Variants in CHD2 observed in about 807,000 individuals in gnomAD.
CHD2 encodes ATP-dependent chromatin remodeler CHD2.
CHD2 carries 28 observed loss-of-function variants against 243.9 expected under a neutral mutation model. That is an observed-to-expected ratio of 0.11 (90% confidence interval 0.09 to 0.16). The LOEUF is 0.16. CHD2 is among the 10% of genes least tolerant of loss of function. CHD2 has a pLI of 1.00. For synonymous variants in CHD2, 775 were observed against 779.0 expected (o/e 0.99, Z 0.09); for missense variants, 1,386 against 2,209.8 (o/e 0.63, Z 7.47).
intron 22 of CHD2, among the ~76,000 whole-genome samples, chr15:92,980,459 C>T (rs986383319): frequency 3.2e-4 from 48 of 152,040 alleles, no homozygotes; most frequent in Admixed American, 2.9e-3. Flanking sequence ...AAGCCTAGCT[C>T]TTTTATTTTG....
rs1330847132 is a variant in CHD2, at chr15:92,901,307, C to T, written c.62+8C>T. On this transcript the variant is annotated splice_region_variant and intron_variant, in intron 2 of 38. Coordinates refer to ENST00000394196, the MANE Select transcript of CHD2 (RefSeq NM_001271.4). ...ACACAGCAATGCATCGAGGTATGAG[C>T]TATCAACTTTCTTCCTTTTTGTCTT... 1.3e-6 allele frequency: 2 copies of T among 1,585,262 alleles called. No individual in the cohort carries two copies. The highest frequency in any genetic ancestry group is 1.3e-5 in the African/African-American group (1 of 74,244).
At chr15:92,947,135 A>G (rs1017905701) in intron 12 of CHD2, 1 of 152,216 alleles carries the variant, frequency 6.6e-6, no homozygotes, top group Non-Finnish European at 1.5e-5. Flanking sequence ...AGAAGTTGAC[A>G]TTCATGTTAA....
At chr15:93,011,476 G>C (rs930870509) in intron 35 of CHD2, among the ~76,000 whole-genome samples, 2 of 152,206 alleles carry the variant, frequency 1.3e-5, no homozygotes, top group Non-Finnish European at 2.9e-5. Context: ...AGGATTTAAA[G>C]ACAGTTTGCT....
chr15:92,981,536 G>A (rs1396913608), intron 24 of CHD2, 79 bp downstream of exon 24: 1 of 1,106,122 alleles, frequency 9.0e-7, no homozygotes, highest in Non-Finnish European at 1.3e-6. Flanking sequence ...CTTTCTTTGT[G>A]CTAGGCGCTC....
chr15:92,959,041 T>G (rs1313913817), intron 16 of CHD2, among the ~76,000 whole-genome samples: 1 of 152,248 alleles, frequency 6.6e-6, no homozygotes, highest in East Asian at 1.9e-4. Flanking sequence ...ATCTGTGGCT[T>G]CTTTTCACTT....
chr15:92,940,913 T>TATAA lies in CHD2; in HGVS notation c.693-908_693-907insTAAA, dbSNP rs58286727. ...ATAAAAATATATATAAATATATATATAAATATACATATAAATATATATAAA... is the reference window on the plus strand; with the variant it reads ...ATAAAAATATATATAAATATATATATATAAAAATATACATATAAATATATATAAA... On this transcript the variant is annotated intron_variant, in intron 7 of 38. Transcript: ENST00000394196. 2.4e-3 allele frequency among the ~76,000 whole-genome samples: 325 copies of TATAA among 134,656 alleles called. 4 individuals are homozygous for TATAA. Among genetic ancestry groups the TATAA allele is most frequent in the African/African-American group, 8.4e-3 (303 of 36,252 alleles). The allele number at this position is 134,656 out of a possible 152,430, so 88.3% of individuals were successfully genotyped here.
intron 37 of CHD2, among the ~76,000 whole-genome samples, chr15:93,016,935 A>G (rs2054469995): frequency 6.6e-6 from 1 of 152,226 alleles, no homozygotes; most frequent in South Asian, 2.1e-4. Context: ...TTCATGTAAA[A>G]GAGAAAATTC....
At chr15:92,931,248 C>G (rs1349388239) in intron 5 of CHD2, among the ~76,000 whole-genome samples, 2 of 152,152 alleles carry the variant, frequency 1.3e-5, no homozygotes, top group East Asian at 3.8e-4. Context: ...TAAAAAGGGA[C>G]CATTTTGTAA....
intron 5 of CHD2, among the ~76,000 whole-genome samples, chr15:92,936,264 T>G (rs1343279871): frequency 6.6e-6 from 1 of 152,228 alleles, no homozygotes; most frequent in African/African-American, 2.4e-5. Flanking sequence ...TGTTCTCCCA[T>G]GAAGAATATT....
At chr15:92,925,316 A>G (rs1219998188) in intron 3 of CHD2, among the ~76,000 whole-genome samples, 1 of 152,202 alleles carries the variant, frequency 6.6e-6, no homozygotes, top group Non-Finnish European at 1.5e-5. Context: ...CTTATTACTC[A>G]TGTAAGAGTA....
At chr15:92,905,875 C>G (rs573593013) in intron 2 of CHD2, among the ~76,000 whole-genome samples, 17 of 152,264 alleles carry the variant, frequency 1.1e-4, no homozygotes, top group African/African-American at 4.1e-4. Context: ...ATACCTGCCA[C>G]AAGAACGAAA....
intron 2 of CHD2, among the ~76,000 whole-genome samples, chr15:92,906,571 C>T (rs2052624803): frequency 6.6e-6 from 1 of 152,032 alleles, no homozygotes. Context: ...TATCATTTCT[C>T]CCATAAAATT....
intron 13 of CHD2, among the ~76,000 whole-genome samples, chr15:92,950,112 G>A (rs150941202): frequency 3.9e-4 from 59 of 152,320 alleles, no homozygotes; most frequent in African/African-American, 1.3e-3. Flanking sequence ...GCCTGGGCAC[G>A]TTCGGACATG....
At chr15:92,966,058 T>C (rs1012773837) in intron 16 of CHD2, among the ~76,000 whole-genome samples, 6 of 151,126 alleles carry the variant, frequency 4.0e-5, no homozygotes, top group African/African-American at 1.5e-4. Context: ...TTCTTTCTTT[T>C]TTCTTTTCTT....
In CHD2 at chr15:92,992,995, G is replaced by A. The variant is rs757981280; in HGVS notation, c.3592G>A (p.Glu1198Lys). 6.2e-6 allele frequency: 10 copies of A among 1,613,388 alleles called. No homozygotes were observed. The highest frequency in any genetic ancestry group is 4.2e-6 in the Non-Finnish European group (5 of 1,179,982). ...YEEQLKENAS[E>K]GKGPGKRRGP... ...AGAGCAGCTGAAAGAAAATGCCAGC[G>A]AGGGTAAGCGAAGTTGGCTTTAGTG... The change falls in exon 28 of 39, where the codon GAG becomes AAG. Residue 1198 changes from glutamate (E) to lysine (K), a missense_variant. Transcript: ENST00000394196.
At chr15:92,916,174 T>C (rs1378055787) in intron 2 of CHD2, among the ~76,000 whole-genome samples, 1 of 152,220 alleles carries the variant, frequency 6.6e-6, no homozygotes, top group East Asian at 1.9e-4. Context: ...TTACACATAT[T>C]GATGTCTCAT....
chr15:92,965,852 T>A (rs2053754787), intron 16 of CHD2, among the ~76,000 whole-genome samples: 1 of 152,110 alleles, frequency 6.6e-6, no homozygotes, highest in South Asian at 2.1e-4. Context: ...AAATAAACTT[T>A]ACATTTAATT....
intron 16 of CHD2, among the ~76,000 whole-genome samples, chr15:92,960,861 T>C (rs761629192): frequency 9.2e-5 from 14 of 151,840 alleles, no homozygotes; most frequent in Non-Finnish European, 2.1e-4. Context: ...ATTACAAGCA[T>C]GCACCACCAT....
chr15:92,950,017 CAAAG>C (rs1050036955), intron 13 of CHD2, among the ~76,000 whole-genome samples: 1 of 152,058 alleles, frequency 6.6e-6, no homozygotes, highest in African/African-American at 2.4e-5. Context: ...CAGTGGAAAA[CAAAG>C]GAAGGGGGTT....
Sources: gnomAD v4.1 joint callset for allele counts (sites outside exome capture counted in the v4.1 genomes callset) on GRCh38, gnomAD v4.1.1 for gene constraint, MANE v1.5 for transcripts, NCBI Gene and HGNC (gene_info 2026-07-23, HGNC 2026-07-21) for gene names.